The following TTC3 variants were observed in gnomAD, a reference collection of about 807,000 sequenced individuals.
The protein encoded by TTC3 is E3 ubiquitin-protein ligase TTC3.
TTC3 carries 180 observed loss-of-function variants against 249.6 expected under a neutral mutation model. That is an observed-to-expected ratio of 0.72 (90% CI 0.64 to 0.82). TTC3 has a LOEUF of 0.82. Ranked by LOEUF, TTC3 falls within the 40% of genes least tolerant of loss-of-function variation. The probability of loss-of-function intolerance (pLI) is 0.00; values close to 1 mark genes in which losing one functional copy is unlikely to be tolerated. For synonymous variants in TTC3, 717 were observed against 805.0 expected (o/e 0.89, Z 1.85); for missense variants, 2,061 against 2,398.4 (o/e 0.86, Z 2.94).
Position 37,140,426 on chromosome 21 carries a change from G to T in TTC3, c.1660-135G>T, listed in dbSNP as rs979872097. The stretch of plus-strand genomic sequence containing the variant: ...ATTCCTAAGAAAGTGAAACACAGAG[G>T]TATAATTTTGCCACAGGAATTTGGG... On this transcript the variant is annotated intron_variant, in intron 19 of 45. Transcript: ENST00000355666. 5.6e-5 allele frequency: 31 copies of T among 556,950 alleles called. No individual in the cohort carries two copies. In the Admixed American group the frequency reaches 9.4e-4, roughly 17 times the overall value. The allele number at this position is 556,950 out of a possible 1,614,324, so 34.5% of individuals were successfully genotyped here.
intron 12 of TTC3, among the ~76,000 whole-genome samples, chr21:37,122,212 A>G (rs755013590): frequency 5.3e-5 from 8 of 151,854 alleles, no homozygotes; most frequent in Non-Finnish European, 1.0e-4. Flanking sequence ...ACAGACAGCA[A>G]CCAAATTGTT....
intron 15 of TTC3, among the ~76,000 whole-genome samples, chr21:37,128,671 T>A (rs1037273935): frequency 1.3e-5 from 2 of 152,326 alleles, no homozygotes; most frequent in South Asian, 4.1e-4. Flanking sequence ...TTCATAAGGA[T>A]GATTGTTGTT....
At chr21:37,095,470 T>C in intron 9 of TTC3, 26 bp downstream of exon 9, 1 of 1,442,772 alleles carries the variant, frequency 6.9e-7, no homozygotes. Context: ...ACAAAAGAGA[T>C]GCTTTTTCTA....
At chr21:37,109,317 G>A (rs2075381547) in intron 11 of TTC3, among the ~76,000 whole-genome samples, 1 of 152,228 alleles carries the variant, frequency 6.6e-6, no homozygotes, top group Non-Finnish European at 1.5e-5. Flanking sequence ...CCTAGTCAAA[G>A]AAAGGGGTGA....
chr21:37,195,724 T>TTGTG lies in TTC3; in HGVS notation c.5268_5271dup (p.Thr1758CysfsTer19), dbSNP rs2084824348. The TTGTG allele has an allele frequency of 6.2e-7, 1 of 1,614,050 alleles. No individual in the cohort carries two copies. Among genetic ancestry groups the TTGTG allele is most frequent in the Non-Finnish European group, 8.5e-7 (1 of 1,179,942 alleles). On this transcript the variant is annotated frameshift_variant, in exon 42 of 46. Transcript: ENST00000355666. LOFTEE classifies it high-confidence loss of function. ...TCTTCAGGCGACGATGGCCAAGGGC[T>TTGTG]TGTGACTTCTGCAAGCGACGTGACT...
At chr21:37,141,486 T>C (rs1346610578) in intron 20 of TTC3, among the ~76,000 whole-genome samples, 1 of 152,094 alleles carries the variant, frequency 6.6e-6, no homozygotes, top group Admixed American at 6.6e-5. Context: ...AAGTTTTTTT[T>C]TGGCCAGGCA....
At chr21:37,113,690 A>G (rs1449691499) in intron 11 of TTC3, among the ~76,000 whole-genome samples, 1 of 152,204 alleles carries the variant, frequency 6.6e-6, no homozygotes, top group Non-Finnish European at 1.5e-5. Context: ...AAACTACTTT[A>G]AAGTTCATAT....
chr21:37,091,011 A>AG (rs2073192386), intron 6 of TTC3, among the ~76,000 whole-genome samples: 1 of 152,212 alleles, frequency 6.6e-6, no homozygotes, highest in African/African-American at 2.4e-5. Flanking sequence ...GCCAGGTTGT[A>AG]GACCTCAAAT....
At chr21:37,103,616 T>C (rs1012797728) in intron 10 of TTC3, among the ~76,000 whole-genome samples, 15 of 152,182 alleles carry the variant, frequency 9.9e-5, no homozygotes, top group East Asian at 1.9e-4. Context: ...ATATATGCTA[T>C]TATAACGCTG....
At chr21:37,090,983 G>C (rs1032720778) in intron 6 of TTC3, among the ~76,000 whole-genome samples, 1 of 152,172 alleles carries the variant, frequency 6.6e-6, no homozygotes, top group African/African-American at 2.4e-5. Context: ...GCACTTGCCT[G>C]CTACCCCAGG....
intron 41 of TTC3, 66 bp from the exon 42 acceptor site, chr21:37,195,609 G>A: frequency 1.3e-6 from 2 of 1,524,796 alleles, no homozygotes; most frequent in Admixed American, 2.1e-5. Flanking sequence ...ATCGGCCTTT[G>A]TCCTTGGGCG....
At chr21:37,186,471 T>A (rs1451927565) in intron 37 of TTC3, among the ~76,000 whole-genome samples, 2 of 152,242 alleles carry the variant, frequency 1.3e-5, no homozygotes, top group African/African-American at 2.4e-5. Context: ...AGATAGGGTC[T>A]TGCTCTGTCA....
At chr21:37,077,973 T>C (rs1284916909) in intron 1 of TTC3, among the ~76,000 whole-genome samples, 1 of 152,210 alleles carries the variant, frequency 6.6e-6, no homozygotes, top group Admixed American at 6.5e-5. Context: ...TAAAATGATG[T>C]CTTCCACATT....
chr21:37,146,892 T>C (rs749632374), intron 21 of TTC3, among the ~76,000 whole-genome samples: 5 of 152,190 alleles, frequency 3.3e-5, no homozygotes, highest in Non-Finnish European at 5.9e-5. Flanking sequence ...CAGGGATTCT[T>C]GGATTTACCT....
intron 35 of TTC3, among the ~76,000 whole-genome samples, chr21:37,173,473 A>G (rs1437249825): frequency 6.6e-6 from 1 of 152,208 alleles, no homozygotes; most frequent in African/African-American, 2.4e-5. Context: ...AGGGATAGCA[A>G]TTAGTGGCAA....
At chr21:37,148,340 T>G (rs188962182) in intron 22 of TTC3, among the ~76,000 whole-genome samples, 6 of 152,316 alleles carry the variant, frequency 3.9e-5, no homozygotes, top group African/African-American at 1.4e-4. Flanking sequence ...GTAGCTGCCC[T>G]TGTCCTGCTG....
chr21:37,079,901 T>C (rs1228444096), intron 1 of TTC3, among the ~76,000 whole-genome samples: 1 of 152,190 alleles, frequency 6.6e-6, no homozygotes. Context: ...ATGTTGAATA[T>C]TATTTATGTC....
intron 10 of TTC3, among the ~76,000 whole-genome samples, chr21:37,103,986 G>A (rs1324056425): frequency 2.0e-5 from 3 of 152,206 alleles, no homozygotes; most frequent in Admixed American, 2.0e-4. Flanking sequence ...AAATGGATCT[G>A]AAGGGGATGT....
intron 11 of TTC3, among the ~76,000 whole-genome samples, chr21:37,114,745 T>C (rs8130971): frequency 0.48 from 72,175 of 151,104 alleles, 17,877 homozygotes; most frequent in Non-Finnish European, 0.56. Flanking sequence ...ATGTTTATTG[T>C]GGCAGTATTC....
Sources: gnomAD v4.1 joint callset for allele counts (sites outside exome capture counted in the v4.1 genomes callset) on GRCh38, gnomAD v4.1.1 for gene constraint, MANE v1.5 for transcripts, NCBI Gene and HGNC (gene_info 2026-07-23, HGNC 2026-07-21) for gene names.